Variants in TTC17 observed in about 807,000 individuals in gnomAD.
The protein encoded by TTC17 is tetratricopeptide repeat domain 17.
Under a neutral mutation model 143.8 loss-of-function variants are expected in TTC17, and 58 were observed. The ratio of observed to expected loss-of-function variants is 0.40; its 90% CI spans 0.33 to 0.50. The LOEUF (loss-of-function observed/expected upper bound fraction) is 0.50. Among genes scored for constraint, TTC17 ranks in the 20% least tolerant of loss-of-function variants. TTC17 has a pLI of 0.49. For synonymous variants in TTC17, 501 were observed against 497.8 expected (o/e 1.01, Z -0.09); for missense variants, 1,273 against 1,392.5 (o/e 0.91, Z 1.37).
At chr11:43,461,390 CAAAAAAAAAAAAA>C (rs750240102) in intron 21 of TTC17, among the ~76,000 whole-genome samples, 15 of 36,064 alleles carry the variant, frequency 4.2e-4, no homozygotes, top group African/African-American at 8.1e-4. Flanking sequence ...AACTCCGTCT[CAAAAAAAAAAAAA>C]AAAAAAAAAA....
chr11:43,420,015 A>G (rs889682531), intron 16 of TTC17, among the ~76,000 whole-genome samples: 2 of 152,220 alleles, frequency 1.3e-5, no homozygotes, highest in African/African-American at 2.4e-5. Context: ...ATGTGTCTAA[A>G]TCTGTATATT....
At chr11:43,377,335 C>T (rs747692599) in intron 1 of TTC17, among the ~76,000 whole-genome samples, 5 of 152,050 alleles carry the variant, frequency 3.3e-5, no homozygotes, top group Non-Finnish European at 7.4e-5. Flanking sequence ...AGCACCATCA[C>T]ATATGCAGTC....
intron 1 of TTC17, among the ~76,000 whole-genome samples, chr11:43,365,962 T>C (rs1452658632): frequency 1.3e-5 from 2 of 152,154 alleles, no homozygotes; most frequent in Non-Finnish European, 2.9e-5. Flanking sequence ...TTAGTTTTTT[T>C]CTCCAGAGTT....
intron 16 of TTC17, among the ~76,000 whole-genome samples, chr11:43,432,099 G>A (rs1947172519): frequency 6.6e-6 from 1 of 152,154 alleles, no homozygotes; most frequent in African/African-American, 2.4e-5. Flanking sequence ...ATTAGAAAGT[G>A]GAAAATACTC....
At chr11:43,440,890 A>G (rs1266491059) in intron 16 of TTC17, among the ~76,000 whole-genome samples, 6 of 152,076 alleles carry the variant, frequency 3.9e-5, no homozygotes, top group African/African-American at 1.5e-4. Flanking sequence ...GAAATTGGTA[A>G]TGCCCTCACA....
At chr11:43,389,572 T>G in intron 2 of TTC17, 80 bp from the exon 3 acceptor site, 1 of 1,409,630 alleles carries the variant, frequency 7.1e-7, no homozygotes, top group Non-Finnish European at 9.5e-7. Context: ...CTTCTTCAGC[T>G]CAGATTCCCC....
chr11:43,452,083 C>T (rs761741526), intron 21 of TTC17, among the ~76,000 whole-genome samples: 1 of 152,194 alleles, frequency 6.6e-6, no homozygotes, highest in Non-Finnish European at 1.5e-5. Flanking sequence ...AGAATTCAGG[C>T]AGGGTTAGCA....
rs1386875229 is a variant in TTC17, at chr11:43,409,522, A to T, written c.2064+1945A>T. On this transcript the variant is annotated intron_variant, in intron 15 of 23. Coordinates refer to ENST00000039989, the MANE Select transcript of TTC17 (RefSeq NM_018259.6). ...ATTTTTTTGATTGTTTACTAGAGCC[A>T]GGCACAATACTAAGCATCTTACATG... is the stretch of plus-strand genomic sequence containing the variant. 2.0e-5 allele frequency among the ~76,000 whole-genome samples: 3 copies of T among 152,362 alleles called. No homozygotes were observed. The East Asian group carries it at 5.8e-4, about 29-fold the overall frequency.
chr11:43,431,218 T>A (rs901509453), intron 16 of TTC17, among the ~76,000 whole-genome samples: 1 of 152,242 alleles, frequency 6.6e-6, no homozygotes, highest in Non-Finnish European at 1.5e-5. Flanking sequence ...TTGTGAATAG[T>A]ACTGCAGTAA....
chr11:43,489,968 T>TA (rs1391749229), intron 21 of TTC17: 1 of 246,854 alleles, frequency 4.1e-6, no homozygotes, highest in African/African-American at 2.2e-5. Context: ...ATAGTTCTGC[T>TA]ATTCAGTAGT....
intron 16 of TTC17, among the ~76,000 whole-genome samples, chr11:43,434,139 T>G (rs1251707632): frequency 2.7e-5 from 4 of 149,480 alleles, no homozygotes; most frequent in African/African-American, 9.9e-5. Flanking sequence ...TGCTCATGGC[T>G]TCTTTCCCAT....
rs1215838990 is a variant in TTC17 at position 43,490,339 on chromosome 11, A to G, written c.3131A>G (p.Tyr1044Cys). Residue 1044 changes from tyrosine (Y) to cysteine (C), a missense_variant, in exon 22 of 24, where the codon TAT (tyrosine) becomes TGT (cysteine). Physicochemically the swap from Tyr to Cys is radical, Grantham distance 194 (BLOSUM62 -2). This residue lies in a region of TTC17 where 878 missense variants were observed against 899.8 expected (regional missense o/e 0.98). Transcript: ENST00000039989. ...AIDCLRQALH[Y>C]APHQMKDVPL... is the part of the protein sequence containing the mutation. ...GACTGCCTCCGCCAGGCTCTGCACTATGCGCCACACCAGATGAAGGTGAGT... is the reference window on the plus strand; with the variant it reads ...GACTGCCTCCGCCAGGCTCTGCACTGTGCGCCACACCAGATGAAGGTGAGT... The G allele has an allele frequency of 1.9e-6, 3 of 1,608,486 alleles. No individual in the cohort carries two copies. Among genetic ancestry groups the G allele is most frequent in the Admixed American group, 1.7e-5 (1 of 59,580 alleles).
intron 1 of TTC17, among the ~76,000 whole-genome samples, chr11:43,372,247 C>A (rs972540236): frequency 6.6e-6 from 1 of 151,528 alleles, no homozygotes; most frequent in Non-Finnish European, 1.5e-5. Context: ...TTCCTTTAAC[C>A]TAACGGTTTT....
chr11:43,443,252 A>G (rs1835972072), intron 16 of TTC17, 73 bp from the exon 17 acceptor site: 1 of 1,541,842 alleles, frequency 6.5e-7, no homozygotes, highest in Non-Finnish European at 8.8e-7. Flanking sequence ...CTCCAAAAGC[A>G]GGGTTGGAGT....
intron 21 of TTC17, among the ~76,000 whole-genome samples, chr11:43,480,044 CA>C (rs1948257223): frequency 6.6e-6 from 1 of 152,168 alleles, no homozygotes; most frequent in Non-Finnish European, 1.5e-5. Context: ...TTCTAGTGCA[CA>C]TGTTTGCTGA....
intron 10 of TTC17, 26 bp downstream of exon 10, chr11:43,401,584 C>T (rs1176827188): frequency 6.8e-7 from 1 of 1,473,766 alleles, no homozygotes; most frequent in East Asian, 2.3e-5. Flanking sequence ...CAGTCTAATT[C>T]TTATAAACGT....
chr11:43,407,026 T>A (rs561166656), intron 13 of TTC17, 112 bp from the exon 14 acceptor site: 1 of 687,822 alleles, frequency 1.5e-6, no homozygotes. Flanking sequence ...AAATATTTGT[T>A]CAAATTAGCT....
intron 6 of TTC17, chr11:43,397,086 A>G (rs543093962): frequency 4.0e-5 from 19 of 479,472 alleles, no homozygotes; most frequent in South Asian, 3.5e-4. Flanking sequence ...TGGAATTATC[A>G]TAAACTAAGT....
intron 16 of TTC17, chr11:43,435,077 T>TGATTGATAGATA (rs1554995266): frequency 6.9e-6 from 1 of 144,394 alleles, no homozygotes; most frequent in Non-Finnish European, 1.5e-5. Context: ...ACAGATAAGA[T>TGATTGATAGATA]GATAGATAGA....
Sources: gnomAD v4.1 joint callset for allele counts (sites outside exome capture counted in the v4.1 genomes callset) on GRCh38, gnomAD v4.1.1 for gene constraint, gnomAD v4.1.1 regional missense constraint, MANE v1.5 for transcripts, NCBI Gene and HGNC (gene_info 2026-07-23, HGNC 2026-07-21) for gene names.